The following GMDS variants were observed in gnomAD, a reference collection of about 807,000 sequenced individuals.
GMDS encodes the protein GDP-mannose 4,6 dehydratase.
GMDS carries 20 observed loss-of-function variants against 49.9 expected under a neutral mutation model. The observed-to-expected ratio is 0.40, with a 90% CI of 0.28 to 0.58. The LOEUF is 0.58. GMDS is among the 20% of genes least tolerant of loss of function. The pLI is 0.42. For missense variants in GMDS, 362 were observed against 481.4 expected, an observed-to-expected ratio of 0.75 and a Z score of 2.32; for synonymous variants, 177 against 178.6, an observed-to-expected ratio of 0.99 and a Z score of 0.07.
chr6:1,903,775 G>A (rs1004476243), intron 7 of GMDS, among the ~76,000 whole-genome samples: 1 of 141,764 alleles, frequency 7.1e-6, no homozygotes, highest in Non-Finnish European at 1.6e-5. Context: ...ATGTGCTTAC[G>A]GGCGCCTCCC....
intron 1 of GMDS, among the ~76,000 whole-genome samples, chr6:2,203,220 T>C (rs997821590): frequency 7.2e-5 from 11 of 152,224 alleles, no homozygotes; most frequent in African/African-American, 2.7e-4. Context: ...TAACGTTTAT[T>C]GATTCAATGT....
intron 1 of GMDS, among the ~76,000 whole-genome samples, chr6:2,168,177 T>C (rs576780908): frequency 6.6e-6 from 1 of 152,274 alleles, no homozygotes; most frequent in South Asian, 2.1e-4. Context: ...TTCCCTTCCT[T>C]CCTCAGAAGG....
intron 4 of GMDS, among the ~76,000 whole-genome samples, chr6:2,058,700 C>T (rs1024191198): frequency 8.5e-5 from 13 of 152,144 alleles, no homozygotes; most frequent in African/African-American, 1.2e-4. Flanking sequence ...CAGAGATCAA[C>T]GGAGTCAAGA....
chr6:1,700,566 G>A (rs990435895), intron 9 of GMDS, among the ~76,000 whole-genome samples: 2 of 152,128 alleles, frequency 1.3e-5, no homozygotes, highest in African/African-American at 2.4e-5. Context: ...GGAGCTGCAC[G>A]GCCACATTTT....
chr6:1,851,993 G>A (rs1757695649), intron 7 of GMDS, among the ~76,000 whole-genome samples: 1 of 151,684 alleles, frequency 6.6e-6, no homozygotes, highest in Admixed American at 6.5e-5. Context: ...GAGGCAGGAG[G>A]AGAGGCTCCC....
intron 4 of GMDS, among the ~76,000 whole-genome samples, chr6:2,003,226 C>A (rs992069462): frequency 6.6e-6 from 1 of 152,028 alleles, no homozygotes; most frequent in African/African-American, 2.4e-5. Context: ...TGGATGATAA[C>A]GAGCAGGAGG....
At chr6:2,233,305 C>G (rs1449105977) in intron 1 of GMDS, among the ~76,000 whole-genome samples, 1 of 152,202 alleles carries the variant, frequency 6.6e-6, no homozygotes, top group Non-Finnish European at 1.5e-5. Flanking sequence ...TCCACATTCT[C>G]TCATTTGGAG....
chr6:1,881,210 G>A (rs1268451804), intron 7 of GMDS, among the ~76,000 whole-genome samples: 1 of 152,148 alleles, frequency 6.6e-6, no homozygotes, highest in African/African-American at 2.4e-5. Flanking sequence ...AGCCTTTCCT[G>A]CAGAAATGGA....
chr6:1,881,508 T>C (rs1357444864), intron 7 of GMDS, among the ~76,000 whole-genome samples: 1 of 152,230 alleles, frequency 6.6e-6, no homozygotes, highest in Admixed American at 6.5e-5. Flanking sequence ...CATAAATCTG[T>C]CATGCAGCCT....
intron 2 of GMDS, among the ~76,000 whole-genome samples, chr6:2,118,065 G>A (rs1774945878): frequency 4.6e-5 from 7 of 152,068 alleles, no homozygotes; most frequent in Admixed American, 4.6e-4. Context: ...CAGCTAAGTA[G>A]AAAAGTCGGA....
intron 1 of GMDS, among the ~76,000 whole-genome samples, chr6:2,145,644 T>C (rs1471589528): frequency 2.6e-5 from 4 of 152,084 alleles, no homozygotes; most frequent in Admixed American, 2.6e-4. Flanking sequence ...ATGGAAAATA[T>C]TCAGAAAACA....
chr6:2,096,996 G>C (rs960739468), intron 4 of GMDS, among the ~76,000 whole-genome samples: 6 of 151,692 alleles, frequency 4.0e-5, no homozygotes, highest in Non-Finnish European at 8.8e-5. Context: ...ACTAAAGACA[G>C]ATATATAATA....
intron 7 of GMDS, among the ~76,000 whole-genome samples, chr6:1,764,855 G>C (rs747361713): frequency 5.9e-5 from 9 of 152,124 alleles, no homozygotes; most frequent in Admixed American, 1.3e-4. Context: ...CAAAAATCCT[G>C]GCAATTTATA....
chr6:1,858,598 A>T (rs1279495703), intron 7 of GMDS, among the ~76,000 whole-genome samples: 1 of 152,152 alleles, frequency 6.6e-6, no homozygotes, highest in East Asian at 1.9e-4. Context: ...CACACTATAT[A>T]TTACTGAATA....
chr6:1,730,988 A>C (rs1333200693), intron 8 of GMDS, among the ~76,000 whole-genome samples: 3 of 152,228 alleles, frequency 2.0e-5, no homozygotes, highest in African/African-American at 4.8e-5. Context: ...AAAACAAACA[A>C]GAAAATCCCC....
At chr6:2,065,597 C>T (rs943887428) in intron 4 of GMDS, among the ~76,000 whole-genome samples, 1 of 152,088 alleles carries the variant, frequency 6.6e-6, no homozygotes. Context: ...GAGCTGAAAA[C>T]CAAGGCTCGA....
At position 1,778,319 on chromosome 6, in the gene GMDS, A is replaced by G. The variant is rs1307050444; in HGVS notation, c.772-35733T>C. Among the ~76,000 whole-genome samples, 4 of 152,324 alleles carry G rather than the reference A, an allele frequency of 2.6e-5. No individual in the cohort carries two copies. The East Asian group carries it at 7.7e-4, about 29-fold the overall frequency. ...AGCAAATGCAAAAGTGACAATGTGG[A>G]TAATTGCCTGTTTAGGATAATGGAA... On this transcript the variant is annotated intron_variant, in intron 7 of 10. Transcript: ENST00000380815. This position sits in a 1 kb window ranked among gnomAD's most constrained non-coding sequence, Gnocchi z 4.6.
At chr6:1,802,069 T>C (rs1769972696) in intron 7 of GMDS, among the ~76,000 whole-genome samples, 1 of 152,224 alleles carries the variant, frequency 6.6e-6, no homozygotes, top group African/African-American at 2.4e-5. Context: ...ATAAAGGCCA[T>C]ATTTGCCTAA....
intron 1 of GMDS, among the ~76,000 whole-genome samples, chr6:2,148,616 C>T (rs1249052072): frequency 6.6e-6 from 1 of 152,030 alleles, no homozygotes; most frequent in African/African-American, 2.4e-5. Flanking sequence ...GCAGGTGTTT[C>T]ACCATGTTGG....
Sources: gnomAD v4.1 joint callset for allele counts (sites outside exome capture counted in the v4.1 genomes callset) on GRCh38, gnomAD v4.1.1 for gene constraint, Gnocchi (gnomAD v3.1) non-coding constraint, MANE v1.5 for transcripts, NCBI Gene and HGNC (gene_info 2026-07-23, HGNC 2026-07-21) for gene names.